Variants in DAB1 observed in about 807,000 individuals in gnomAD.
DAB1 encodes the protein DAB adaptor protein 1.
Under a neutral mutation model 64.6 loss-of-function variants are expected in DAB1, and 15 were observed. That is an observed-to-expected ratio of 0.23 (90% CI 0.16 to 0.36). DAB1 has a LOEUF of 0.36. Ranked by LOEUF, DAB1 falls within the 10% of genes least tolerant of loss-of-function variation. The pLI is 1.00. For synonymous variants in DAB1, 235 were observed against 251.9 expected, an observed-to-expected ratio of 0.93 and a Z score of 0.64; for missense variants, 596 against 706.7, an observed-to-expected ratio of 0.84 and a Z score of 1.78.
intron 7 of DAB1, among the ~76,000 whole-genome samples, chr1:57,511,848 G>A (rs886997052): frequency 2.6e-5 from 4 of 152,024 alleles, no homozygotes; most frequent in Admixed American, 6.6e-5. Flanking sequence ...TCTGAATCCA[G>A]CCTACACAGC....
intron 7 of DAB1, among the ~76,000 whole-genome samples, chr1:57,571,736 G>A (rs1422053450): frequency 6.6e-6 from 1 of 152,168 alleles, no homozygotes; most frequent in Admixed American, 6.5e-5. Context: ...GGGGAAAGCT[G>A]AGCTTAGATC....
Position 57,596,970 on chromosome 1 carries a change from C to A in DAB1, n.625+52622G>T, listed in dbSNP as rs75340364. Reference sequence around the variant, plus strand: ...CCATTTTTTTGCTGGCTTCTATGAACTCTCTGGGATGAGAGAATTGGTTTC... The same window carrying A: ...CCATTTTTTTGCTGGCTTCTATGAAATCTCTGGGATGAGAGAATTGGTTTC... On this transcript the variant is annotated intron_variant and non_coding_transcript_variant, in intron 7 of 20. Transcript: ENST00000485760. Among the ~76,000 whole-genome samples the A allele has an allele frequency of 2.5e-3, 376 of 152,264 alleles. 3 individuals carry two copies. The East Asian group carries it at 0.031, about 12-fold the overall frequency.
In DAB1 at chr1:57,781,150, A is replaced by G. The variant is rs1422268162; in HGVS notation, n.551+102849T>C. Among the ~76,000 whole-genome samples, 199 of 109,686 alleles carry G rather than the reference A, an allele frequency of 1.8e-3. 11 individuals carry two copies. The South Asian group carries it at 0.045, about 25-fold the overall frequency. 72.0% of individuals were successfully genotyped at this position (109,686 alleles called of 152,430 possible). A position where few individuals can be genotyped will look rare whatever the true frequency, so the allele number is the denominator to read the frequency against. ...TCTATATATATATATATATATATAT[A>G]TATATATATATATATATATATAGTT... On this transcript the variant is annotated intron_variant and non_coding_transcript_variant, in intron 6 of 20. Transcript: ENST00000485760.
intron 5 of DAB1, among the ~76,000 whole-genome samples, chr1:57,928,944 A>G (rs1210637448): frequency 2.0e-5 from 3 of 152,224 alleles, no homozygotes; most frequent in African/African-American, 7.2e-5. Context: ...AACTCATTTG[A>G]GTAAAAGTCA....
At chr1:57,146,404 C>A (rs1378746558) in intron 2 of DAB1, among the ~76,000 whole-genome samples, 1 of 152,202 alleles carries the variant, frequency 6.6e-6, no homozygotes, top group Non-Finnish European at 1.5e-5. Context: ...GTCTGTTATT[C>A]ATCTCCTATA....
intron 7 of DAB1, among the ~76,000 whole-genome samples, chr1:57,639,433 A>G (rs182737528): frequency 1.3e-5 from 2 of 152,102 alleles, no homozygotes; most frequent in Non-Finnish European, 2.9e-5. Flanking sequence ...AAAGTCTCCA[A>G]TAAGGAACTT....
At chr1:57,524,404 C>T (rs942502234) in intron 7 of DAB1, among the ~76,000 whole-genome samples, 2 of 152,168 alleles carry the variant, frequency 1.3e-5, no homozygotes, top group Admixed American at 6.5e-5. Flanking sequence ...CTTTCATGCA[C>T]GTCCATGTGG....
At chr1:57,870,363 T>C (rs1643922274) in intron 1 of DAB1, among the ~76,000 whole-genome samples, 2 of 151,912 alleles carry the variant, frequency 1.3e-5, no homozygotes, top group South Asian at 4.2e-4. Flanking sequence ...AATAGGGAGG[T>C]GGCTGGAATA....
chr1:58,256,014 C>A (rs1660920001), intron 4 of DAB1, among the ~76,000 whole-genome samples: 1 of 152,180 alleles, frequency 6.6e-6, no homozygotes, highest in South Asian at 2.1e-4. Context: ...GCGCTCTTTC[C>A]ATTGCATTTT....
At chr1:58,433,977 G>A (rs940049335) in intron 3 of DAB1, among the ~76,000 whole-genome samples, 8 of 152,058 alleles carry the variant, frequency 5.3e-5, no homozygotes, top group African/African-American at 1.9e-4. Flanking sequence ...GAGCTTCTTG[G>A]AGTTCTTGAA....
intron 7 of DAB1, among the ~76,000 whole-genome samples, chr1:57,475,472 T>C (rs973155712): frequency 6.6e-6 from 1 of 152,172 alleles, no homozygotes; most frequent in Non-Finnish European, 1.5e-5. Flanking sequence ...GGGTGGCCAG[T>C]GAATAGTAAT....
At chr1:57,450,147 T>A (rs2101152000) in intron 7 of DAB1, among the ~76,000 whole-genome samples, 1 of 152,342 alleles carries the variant, frequency 6.6e-6, no homozygotes, top group Admixed American at 6.5e-5. Flanking sequence ...CTTGCTATTA[T>A]TGAACTGGAA....
At chr1:57,638,430 A>G (rs1017583276) in intron 7 of DAB1, among the ~76,000 whole-genome samples, 10 of 152,212 alleles carry the variant, frequency 6.6e-5, no homozygotes, top group African/African-American at 2.2e-4. Flanking sequence ...GAATGATGTC[A>G]TCTGCAATGG....
chr1:57,930,825 C>T (rs1186608765), intron 5 of DAB1, among the ~76,000 whole-genome samples: 3 of 152,044 alleles, frequency 2.0e-5, no homozygotes, highest in Non-Finnish European at 4.4e-5. Context: ...TTCTTTCTTT[C>T]TTCCCAATCA....
intron 3 of DAB1, among the ~76,000 whole-genome samples, chr1:58,493,454 T>C (rs1450325564): frequency 6.6e-6 from 1 of 151,696 alleles, no homozygotes; most frequent in Non-Finnish European, 1.5e-5. Context: ...GGGTATTCAA[T>C]TAGGAAAAGA....
intron 3 of DAB1, among the ~76,000 whole-genome samples, chr1:58,505,031 C>T (rs1337080719): frequency 1.3e-5 from 2 of 152,108 alleles, no homozygotes; most frequent in Non-Finnish European, 2.9e-5. Flanking sequence ...CGGCTCACTA[C>T]AACTTCTGCC....
chr1:58,250,009 C>G (rs983895481), intron 4 of DAB1, among the ~76,000 whole-genome samples: 2 of 152,206 alleles, frequency 1.3e-5, no homozygotes, highest in Non-Finnish European at 2.9e-5. Flanking sequence ...GCTTCTGGCT[C>G]CAGACTTTTC....
At chr1:57,966,494 G>A (rs1162039571) in intron 5 of DAB1, among the ~76,000 whole-genome samples, 1 of 152,106 alleles carries the variant, frequency 6.6e-6, no homozygotes, top group Non-Finnish European at 1.5e-5. Context: ...ACTATCGTTG[G>A]ACTTTTCACC....
At chr1:58,007,359 C>T (rs1288720962) in intron 5 of DAB1, among the ~76,000 whole-genome samples, 1 of 152,342 alleles carries the variant, frequency 6.6e-6, no homozygotes, top group African/African-American at 2.4e-5. Flanking sequence ...GTGGAGACGG[C>T]TTTTGCAGCC....
Sources: allele counts gnomAD v4.1 joint callset (sites outside exome capture counted in the v4.1 genomes callset), GRCh38; gene constraint gnomAD v4.1.1; transcripts MANE v1.5; gene names NCBI Gene and HGNC (gene_info 2026-07-23, HGNC 2026-07-21).